TENM3: variants seen among roughly 807,000 people sequenced by gnomAD.
TENM3 encodes the protein teneurin-3.
TENM3 carries 63 observed loss-of-function variants against 255.1 expected under a neutral mutation model. That is an observed-to-expected ratio of 0.25 (90% CI 0.20 to 0.30). TENM3 has a LOEUF of 0.30. Among genes scored for constraint, TENM3 ranks in the 10% least tolerant of loss-of-function variants. TENM3 has a pLI of 1.00. For synonymous variants in TENM3, 1,306 were observed against 1,322.3 expected (o/e 0.99, Z 0.27); for missense variants, 2,929 against 3,461.1 (o/e 0.85, Z 3.86).
intron 3 of TENM3, among the ~76,000 whole-genome samples, chr4:182,497,146 C>T (rs1391625556): frequency 1.3e-5 from 2 of 151,854 alleles, no homozygotes; most frequent in African/African-American, 4.8e-5. Context: ...CTCCGCCTCC[C>T]GGGTTCAAGC....
the TENM3 span, among the ~76,000 whole-genome samples, chr4:181,702,942 T>A: frequency 6.6e-6 from 1 of 152,218 alleles, no homozygotes; most frequent in Non-Finnish European, 1.5e-5. Context: ...AGCTAACACT[T>A]ATTAAGCATT....
chr4:182,387,318 C>T (rs1244455350), intron 3 of TENM3, among the ~76,000 whole-genome samples: 3 of 152,144 alleles, frequency 2.0e-5, no homozygotes, highest in Non-Finnish European at 4.4e-5. Context: ...CTTGGAGAAC[C>T]TGTGTGTCCT....
intron 5 of TENM3, among the ~76,000 whole-genome samples, chr4:182,650,058 A>G (rs1025331529): frequency 1.3e-5 from 2 of 150,702 alleles, no homozygotes; most frequent in Admixed American, 6.6e-5. Context: ...ACGAAAAAAA[A>G]TAAGTCATAA....
chr4:181,710,945 G>A, the TENM3 span, among the ~76,000 whole-genome samples: 5 of 151,506 alleles, frequency 3.3e-5, no homozygotes, highest in Non-Finnish European at 7.4e-5. Context: ...AGACATCTCT[G>A]ATTCTAATTG....
intron 1 of TENM3, among the ~76,000 whole-genome samples, chr4:182,230,700 C>A (rs549161391): frequency 1.2e-3 from 185 of 151,524 alleles, no homozygotes; most frequent in Non-Finnish European, 2.3e-3. Flanking sequence ...TCCCACCTAT[C>A]CCCATCAGAT....
the TENM3 span, among the ~76,000 whole-genome samples, chr4:181,788,242 T>C: frequency 6.6e-6 from 1 of 152,166 alleles, no homozygotes; most frequent in African/African-American, 2.4e-5. Flanking sequence ...TCATCCCTTA[T>C]TTGCCTCTGA....
At chr4:181,917,173 A>T in the TENM3 span, among the ~76,000 whole-genome samples, 1,702 of 152,290 alleles carry the variant, frequency 0.011, 19 homozygotes, top group African/African-American at 0.039. Flanking sequence ...CAAAGGTCCC[A>T]ACATTCGTGG....
intron 1 of TENM3, among the ~76,000 whole-genome samples, chr4:182,293,014 C>G (rs943889684): frequency 2.0e-5 from 3 of 152,236 alleles, no homozygotes; most frequent in Admixed American, 6.5e-5. Context: ...CATGAACACA[C>G]TCTAGCTGCC....
intron 3 of TENM3, among the ~76,000 whole-genome samples, chr4:182,427,659 C>A (rs1229818745): frequency 6.6e-6 from 1 of 152,074 alleles, no homozygotes; most frequent in Non-Finnish European, 1.5e-5. Context: ...TATAGTAATA[C>A]AGAGGTCAGT....
chr4:181,496,949 G>A, the TENM3 span, among the ~76,000 whole-genome samples: 1 of 152,054 alleles, frequency 6.6e-6, no homozygotes, highest in Non-Finnish European at 1.5e-5. Flanking sequence ...AAATTTCATT[G>A]AAGACTGATT....
At chr4:182,474,754 A>G (rs1438143617) in intron 3 of TENM3, among the ~76,000 whole-genome samples, 1 of 152,108 alleles carries the variant, frequency 6.6e-6, no homozygotes, top group Non-Finnish European at 1.5e-5. Context: ...CTTAATATAT[A>G]TCCTTTTTTA....
chr4:182,734,325 AT>A (rs1761002053), intron 16 of TENM3, among the ~76,000 whole-genome samples: 4 of 152,202 alleles, frequency 2.6e-5, no homozygotes, highest in Non-Finnish European at 5.9e-5. Flanking sequence ...GGGCCAGCTG[AT>A]GAATGGCCCT....
the TENM3 span, among the ~76,000 whole-genome samples, chr4:182,083,080 A>G: frequency 6.6e-6 from 1 of 152,240 alleles, no homozygotes; most frequent in East Asian, 1.9e-4. Flanking sequence ...ATGAAAGCAT[A>G]AGGAAATTGA....
chr4:182,205,284 C>G (rs555779898), intron 1 of TENM3, among the ~76,000 whole-genome samples: 2 of 152,346 alleles, frequency 1.3e-5, no homozygotes, highest in East Asian at 1.9e-4. Context: ...AAATAGTTGA[C>G]GTAAGCTAAA....
At chr4:182,457,578 G>T (rs1243487685) in intron 3 of TENM3, among the ~76,000 whole-genome samples, 3 of 5,610 alleles carry the variant, frequency 5.3e-4, no homozygotes, top group East Asian at 0.016. Context: ...TTTTTTTTGA[G>T]GATAGACCTT....
At chr4:182,214,512 GTATTTATTTATTTATT>G (rs56013840) in intron 1 of TENM3, among the ~76,000 whole-genome samples, 18 of 147,166 alleles carry the variant, frequency 1.2e-4, no homozygotes, top group Non-Finnish European at 1.8e-4. Flanking sequence ...TCTATTTATT[GTATTTATTTATTTATT>G]TATTTATTTA....
At chr4:182,582,535 A>T (rs916434875) in intron 3 of TENM3, among the ~76,000 whole-genome samples, 3 of 152,150 alleles carry the variant, frequency 2.0e-5, no homozygotes, top group African/African-American at 7.2e-5. Context: ...GAATCCATAT[A>T]GTTACGTTGA....
chr4:182,629,014 T>C (rs1751100549), intron 5 of TENM3, 125 bp downstream of exon 5: 1 of 652,424 alleles, frequency 1.5e-6, no homozygotes, highest in African/African-American at 1.8e-5. Flanking sequence ...GTGAGTTTGG[T>C]AATAATGTAT....
Position 182,323,966 on chromosome 4 carries a change from C to T in TENM3, c.-55C>T. 6.7e-7 allele frequency: 1 copy of T among 1,501,972 alleles called. No individual in the cohort carries two copies. The highest frequency in any genetic ancestry group is 1.8e-4 in the Middle Eastern group (1 of 5,448). 93.0% of individuals were successfully genotyped at this position (1,501,972 alleles called of 1,614,324 possible). A position where few individuals can be genotyped will look rare whatever the true frequency, so the allele number is the denominator to read the frequency against. ...CACAGAGAGGCCAATGAGACTTGAA[C>T]CCTGAGCCTAAGTTGTCACCAGCAG... On this transcript the variant is annotated 5_prime_UTR_variant, in exon 2 of 28. Coordinates refer to ENST00000511685, the MANE Select transcript of TENM3 (RefSeq NM_001080477.4).
Sources: gnomAD v4.1 joint callset for allele counts (sites outside exome capture counted in the v4.1 genomes callset) on GRCh38, gnomAD v4.1.1 for gene constraint, MANE v1.5 for transcripts, NCBI Gene and HGNC (gene_info 2026-07-23, HGNC 2026-07-21) for gene names.